The following FBXL22 variants were observed in gnomAD, a reference collection of about 807,000 sequenced individuals.
FBXL22 encodes F-box and leucine-rich protein 22.
Under a neutral mutation model 11.7 loss-of-function variants are expected in FBXL22, and 13 were observed. The observed-to-expected ratio is 1.11, with a 90% confidence interval of 0.73 to 1.77. The LOEUF (loss-of-function observed/expected upper bound fraction) is 1.77, where lower values mean the gene tolerates loss of function less well. Ranked by LOEUF, FBXL22 falls within the 40% of genes most tolerant of loss-of-function variation. FBXL22 has a pLI of 0.00. For missense variants in FBXL22, 406 were observed against 320.4 expected, an observed-to-expected ratio of 1.27 and a Z score of -2.04; for synonymous variants, 160 against 144.1, an observed-to-expected ratio of 1.11 and a Z score of -0.79.
intron 1 of FBXL22, chr15:63,599,412 T>G: frequency 1.5e-6 from 2 of 1,365,262 alleles, no homozygotes; most frequent in Non-Finnish European, 1.9e-6. Context: ...TTCCTCCCAC[T>G]TGACAAATGA....
chr15:63,599,757 G>A lies in FBXL22; in HGVS notation c.354-940G>A, dbSNP rs996062815. On this transcript the variant is annotated intron_variant, in intron 1 of 1. Coordinates refer to ENST00000638704, the MANE Select transcript of FBXL22 (RefSeq NM_001367807.1). ...CCAGACTCTAGCTCCCTCTGGCTGCGGGGAGCCAAGGCCCCGGCCCATTAG... is the reference window on the plus strand; with the variant it reads ...CCAGACTCTAGCTCCCTCTGGCTGCAGGGAGCCAAGGCCCCGGCCCATTAG... 9.1e-6 allele frequency: 9 copies of A among 986,192 alleles called. No homozygotes were observed. The African/African-American group carries it at 1.2e-4, about 13-fold the overall frequency. 61.1% of individuals were successfully genotyped at this position (986,192 alleles called of 1,614,324 possible).
At chr15:63,599,208 C>T (rs2067324000) in intron 1 of FBXL22, 2 of 1,535,734 alleles carry the variant, frequency 1.3e-6, no homozygotes, top group South Asian at 1.2e-5. Flanking sequence ...TACTGATGAA[C>T]GTCTACTGAA....
chr15:63,603,778 A>G (rs1442503559), downstream of FBXL22, among the ~76,000 whole-genome samples: 1 of 152,222 alleles, frequency 6.6e-6, no homozygotes, highest in Non-Finnish European at 1.5e-5. Flanking sequence ...CTTTGTCAGG[A>G]GAGCCAGCTC....
In FBXL22 at chr15:63,600,889, C is replaced by T. The variant is rs1292654820; in HGVS notation, c.546C>T (p.Cys182=). The change falls in exon 2 of 2, where the codon TGC becomes TGT. Residue 182 remains cysteine (C), a synonymous_variant. Transcript: ENST00000638704. ...RALQTLHVDF[C]RNVSAAGLRR... is the part of the protein sequence containing the mutation. Reference sequence around the variant, plus strand: ...TGCAGACATTGCACGTGGACTTCTGCCGCAACGTGAGCGCGGCCGGCCTGC... The same window carrying T: ...TGCAGACATTGCACGTGGACTTCTGTCGCAACGTGAGCGCGGCCGGCCTGC... 5.7e-6 allele frequency: 7 copies of T among 1,225,708 alleles called. No homozygotes were observed. Among genetic ancestry groups the T allele is most frequent in the Non-Finnish European group, 7.1e-6 (7 of 983,892 alleles). 75.9% of individuals were successfully genotyped at this position (1,225,708 alleles called of 1,614,324 possible).
At chr15:63,606,520 A>G (rs573297305), downstream of FBXL22, among the ~76,000 whole-genome samples, 26 of 152,308 alleles carry the variant, frequency 1.7e-4, no homozygotes, top group Non-Finnish European at 3.2e-4. Context: ...TCAGCTCCTC[A>G]GATCAGGGAC....
downstream of FBXL22, among the ~76,000 whole-genome samples, chr15:63,607,182 A>C (rs2067424008): frequency 6.6e-6 from 1 of 151,846 alleles, no homozygotes. Flanking sequence ...AGTAGCTGGG[A>C]CTACAGGTGC....
chr15:63,607,160 C>T (rs2152689692), downstream of FBXL22, among the ~76,000 whole-genome samples: 1 of 152,076 alleles, frequency 6.6e-6, no homozygotes, highest in Non-Finnish European at 1.5e-5. Context: ...ATTCTCCTGC[C>T]TCAGCCTCCT....
rs2067365258 is a variant in FBXL22, at chr15:63,601,141, C to G, written c.*102C>G. The G allele has an allele frequency of 2.2e-6, 3 of 1,369,138 alleles. No individual in the cohort carries two copies. Among genetic ancestry groups the G allele is most frequent in the Non-Finnish European group, 2.8e-6 (3 of 1,065,346 alleles). 84.8% of individuals were successfully genotyped at this position (1,369,138 alleles called of 1,614,324 possible). ...TCAGACCACCACCGCATATTCTGAGCCTCATTTTCCCCGTCTGCACAGTGG... is the reference window on the plus strand; with the variant it reads ...TCAGACCACCACCGCATATTCTGAGGCTCATTTTCCCCGTCTGCACAGTGG... On this transcript the variant is annotated 3_prime_UTR_variant, in exon 2 of 2. Transcript: ENST00000638704.
Position 63,600,887 on chromosome 15 carries a change from T to G in FBXL22, c.544T>G (p.Cys182Gly). The change falls in exon 2 of 2, where the codon TGC becomes GGC. Residue 182 changes from cysteine (C) to glycine (G), a missense_variant. Physicochemically the swap from Cys to Gly is radical, Grantham distance 159. Transcript: ENST00000638704. ...GCTGCAGACATTGCACGTGGACTTCTGCCGCAACGTGAGCGCGGCCGGCCT... is the reference window on the plus strand; with the variant it reads ...GCTGCAGACATTGCACGTGGACTTCGGCCGCAACGTGAGCGCGGCCGGCCT... ...RALQTLHVDF[C>G]RNVSAAGLRR... 2.4e-6 allele frequency: 3 copies of G among 1,225,812 alleles called. No homozygotes were observed. Among genetic ancestry groups the G allele is most frequent in the Non-Finnish European group, 3.0e-6 (3 of 983,882 alleles). The allele number at this position is 1,225,812 out of a possible 1,614,324, so 75.9% of individuals were successfully genotyped here.
Position 63,599,275 on chromosome 15 carries a change from A to T in FBXL22, c.354-1422A>T. ...GAGGAATGGCTGAGGATGGCTGGGC[A>T]GGGGGACAGTCCGCTCTTTGTTTTT... On this transcript the variant is annotated intron_variant, in intron 1 of 1. Coordinates refer to ENST00000638704, the MANE Select transcript of FBXL22 (RefSeq NM_001367807.1). 2.6e-6 allele frequency: 4 copies of T among 1,515,156 alleles called. No homozygotes were observed. In the South Asian group the frequency reaches 4.9e-5, roughly 19 times the overall value. The allele number at this position is 1,515,156 out of a possible 1,614,324, so 93.9% of individuals were successfully genotyped here. A position where few individuals can be genotyped will look rare whatever the true frequency, so the allele number is the denominator to read the frequency against.
In FBXL22 at chr15:63,601,023, A is replaced by T. The variant is rs1186596674; in HGVS notation, c.680A>T (p.Lys227Met). 1 of 1,208,770 alleles carries T rather than the reference A, an allele frequency of 8.3e-7. No individual in the cohort carries two copies. The highest frequency in any genetic ancestry group is 1.0e-6 in the Non-Finnish European group (1 of 973,580). 74.9% of individuals were successfully genotyped at this position (1,208,770 alleles called of 1,614,324 possible). The change falls in exon 2 of 2, where the codon AAG becomes ATG. Residue 227 changes from lysine to methionine, a missense_variant. Physicochemically the swap from Lys to Met is moderately conservative, Grantham distance 95 (BLOSUM62 -1). Transcript: ENST00000638704. Reference protein sequence around the residue: ...RPRAPAAALGKLLQR With the variant: ...RPRAPAAALGMLLQR ...CGCGCGCCCGCCGCGGCCCTCGGCAAGCTGCTGCAGCGCTAGACGCCGCCC... is the reference window on the plus strand; with the variant it reads ...CGCGCGCCCGCCGCGGCCCTCGGCATGCTGCTGCAGCGCTAGACGCCGCCC...
chr15:63,604,556 T>C (rs1394735308), downstream of FBXL22, among the ~76,000 whole-genome samples: 1 of 152,196 alleles, frequency 6.6e-6, no homozygotes, highest in Non-Finnish European at 1.5e-5. Context: ...TGGGCACTGA[T>C]GGAGACACAT....
downstream of FBXL22, among the ~76,000 whole-genome samples, chr15:63,606,308 G>A (rs1349833356): frequency 6.6e-6 from 1 of 152,228 alleles, no homozygotes; most frequent in East Asian, 1.9e-4. Context: ...ACAAAGCTAG[G>A]AGGCCCAGAA....
intron 1 of FBXL22, chr15:63,600,068 T>C: frequency 2.0e-6 from 2 of 985,674 alleles, no homozygotes; most frequent in Non-Finnish European, 2.4e-6. Flanking sequence ...TGACTGTACC[T>C]GCTCAGGGCT....
At chr15:63,599,629 CCTTA>C in intron 1 of FBXL22, 1 of 992,006 alleles carries the variant, frequency 1.0e-6, no homozygotes, top group Non-Finnish European at 1.2e-6. Context: ...TATTTAAGTT[CCTTA>C]CTTCCCTCCC....
chr15:63,599,437 G>A (rs1402109030), intron 1 of FBXL22: 1 of 1,351,602 alleles, frequency 7.4e-7, no homozygotes, highest in Non-Finnish European at 9.5e-7. Context: ...GTGACGCCCA[G>A]CAAGGTTCAG....
rs369184505 is a variant in FBXL22, at chr15:63,597,978, T to C, written c.353+233T>C. ...GCCTCACAGGTCCTGGGCTGCTTCA[T>C]GCAAACACCAAGAAGTGGGGCCTCC... On this transcript the variant is annotated intron_variant, in intron 1 of 1. Transcript: ENST00000638704. The surrounding 1 kb of genome is among the most constrained non-coding windows in gnomAD (Gnocchi z 4.3). Among the ~76,000 whole-genome samples the C allele has an allele frequency of 1.3e-5, 2 of 152,198 alleles. No individual in the cohort carries two copies. The highest frequency in any genetic ancestry group is 2.1e-4 in the South Asian group (1 of 4,820).
At chr15:63,605,375 A>C (rs2067408144), downstream of FBXL22, among the ~76,000 whole-genome samples, 1 of 151,960 alleles carries the variant, frequency 6.6e-6, no homozygotes, top group African/African-American at 2.4e-5. Flanking sequence ...GGACTGGGGG[A>C]TAGGGGGAGG....
chr15:63,601,936 A>G, downstream of FBXL22: 1 of 524,522 alleles, frequency 1.9e-6, no homozygotes, highest in Non-Finnish European at 3.2e-6. Context: ...CTAGGCTTCC[A>G]ATTTGAATTT....
Sources: gnomAD v4.1 joint callset for allele counts (sites outside exome capture counted in the v4.1 genomes callset) on GRCh38, gnomAD v4.1.1 for gene constraint, Gnocchi (gnomAD v3.1) non-coding constraint, MANE v1.5 for transcripts, NCBI Gene and HGNC (gene_info 2026-07-23, HGNC 2026-07-21) for gene names.